Variants in TMPRSS15 observed in about 807,000 individuals in gnomAD.
TMPRSS15 encodes the protein enteropeptidase.
Under a neutral mutation model 125.3 loss-of-function variants are expected in TMPRSS15, and 128 were observed. The ratio of observed to expected loss-of-function variants is 1.02; its 90% CI spans 0.89 to 1.18. The LOEUF (loss-of-function observed/expected upper bound fraction) is 1.18. TMPRSS15 is among the 50% of genes most tolerant of loss of function. The probability of loss-of-function intolerance (pLI) is 0.00; values close to 1 mark genes in which losing one functional copy is unlikely to be tolerated. For synonymous variants in TMPRSS15, 446 were observed against 423.2 expected, an observed-to-expected ratio of 1.05 and a Z score of -0.66; for missense variants, 1,283 against 1,212.7, an observed-to-expected ratio of 1.06 and a Z score of -0.86.
chr21:18,312,913 C>A (rs2075116292), intron 18 of TMPRSS15, 32 bp downstream of exon 18: 2 of 1,611,648 alleles, frequency 1.2e-6, no homozygotes, highest in South Asian at 2.2e-5. Flanking sequence ...GTTTGCAAAT[C>A]TCTTAAAAAG....
chr21:18,364,793 T>C (rs2075710217), intron 7 of TMPRSS15, among the ~76,000 whole-genome samples: 1 of 152,150 alleles, frequency 6.6e-6, no homozygotes, highest in African/African-American at 2.4e-5. Flanking sequence ...AAATATTTTA[T>C]AGACAAATGC....
chr21:18,423,875 G>A (rs1049945045), intron 1 of TMPRSS15, among the ~76,000 whole-genome samples: 9 of 152,120 alleles, frequency 5.9e-5, no homozygotes, highest in Admixed American at 2.0e-4. Flanking sequence ...TAGCATAATG[G>A]CAGGGAGATT....
chr21:18,404,632 C>T (rs746132173), upstream of TMPRSS15, among the ~76,000 whole-genome samples: 1 of 151,816 alleles, frequency 6.6e-6, no homozygotes, highest in African/African-American at 2.4e-5. Flanking sequence ...TAAATAAAAC[C>T]GAATCTATTC....
intron 13 of TMPRSS15, among the ~76,000 whole-genome samples, chr21:18,338,869 C>G (rs2075419806): frequency 6.6e-6 from 1 of 152,114 alleles, no homozygotes; most frequent in East Asian, 1.9e-4. Flanking sequence ...AAGGAACTCA[C>G]TTCTTGTCAC....
chr21:18,450,215 T>A (rs1273304778), intron 1 of TMPRSS15, among the ~76,000 whole-genome samples: 5 of 152,166 alleles, frequency 3.3e-5, no homozygotes, highest in Non-Finnish European at 7.4e-5. Flanking sequence ...TTTTATTGCT[T>A]GTGGGAATTA....
chr21:18,341,554 A>G lies in TMPRSS15; in HGVS notation c.1429-6T>C, dbSNP rs2075446275. ...TTAAAAGCATTAAAAGCAACCTGCA[A>G]TTCAGAGAGGCATATGAAACGATTT... On this transcript the variant is annotated splice_polypyrimidine_tract_variant and splice_region_variant and intron_variant, in intron 12 of 24. Transcript: ENST00000284885. The G allele has an allele frequency of 6.2e-7, 1 of 1,613,972 alleles. No homozygotes were observed. Among genetic ancestry groups the G allele is most frequent in the Admixed American group, 1.7e-5 (1 of 60,026 alleles).
intron 3 of TMPRSS15, among the ~76,000 whole-genome samples, chr21:18,392,629 T>C (rs759830753): frequency 1.8e-4 from 28 of 152,334 alleles, no homozygotes; most frequent in Admixed American, 3.3e-4. Context: ...CATTTTCGGT[T>C]ATCTTTATGG....
At chr21:18,276,711 T>TAATC (rs1341066592) in intron 23 of TMPRSS15, among the ~76,000 whole-genome samples, 1 of 151,766 alleles carries the variant, frequency 6.6e-6, no homozygotes, top group African/African-American at 2.4e-5. Context: ...TTTTCCTAGC[T>TAATC]AATCAATTAG....
At chr21:18,463,257 A>AG (rs1978587651) in intron 1 of TMPRSS15, among the ~76,000 whole-genome samples, 1 of 140,678 alleles carries the variant, frequency 7.1e-6, no homozygotes, top group Non-Finnish European at 1.6e-5. Context: ...AAAAAAAAAA[A>AG]AAAAAAAAAA....
intron 1 of TMPRSS15, among the ~76,000 whole-genome samples, chr21:18,441,661 C>CATT (rs113071625): frequency 0.15 from 20,205 of 134,394 alleles, 1,666 homozygotes; most frequent in Middle Eastern, 0.21. Context: ...CTTTAGGACA[C>CATT]ATTATTATTA....
intron 18 of TMPRSS15, among the ~76,000 whole-genome samples, chr21:18,300,267 TTCTC>T (rs1440622575): frequency 6.6e-6 from 1 of 151,452 alleles, no homozygotes; most frequent in African/African-American, 2.4e-5. Context: ...CTCTCTTTCT[TTCTC>T]TCTTCTTTCT....
Position 18,372,098 on chromosome 21 carries a change from ATGTGTG to A in TMPRSS15, c.664+89_664+94del, listed in dbSNP as rs56932398. ...GTAGTTTCAGGTATTTGAGATTAGA[ATGTGTG>A]TGTGTGTGTGTGTGTGTGTGTGTGT... On this transcript the variant is annotated intron_variant, in intron 6 of 24. Transcript: ENST00000284885. 2,088 of 538,238 alleles carry A rather than the reference ATGTGTG, an allele frequency of 3.9e-3. 2 individuals are homozygous for A. Among genetic ancestry groups the A allele is most frequent in the African/African-American group, 8.2e-3 (396 of 48,158 alleles). 33.3% of individuals were successfully genotyped at this position (538,238 alleles called of 1,614,324 possible).
intron 1 of TMPRSS15, among the ~76,000 whole-genome samples, chr21:18,464,790 C>T (rs2122954901): frequency 7.9e-5 from 12 of 152,026 alleles, no homozygotes; most frequent in African/African-American, 2.9e-4. Context: ...CCAAAAAAAG[C>T]CCAGGACCAG....
intron 1 of TMPRSS15, among the ~76,000 whole-genome samples, chr21:18,441,810 C>T (rs2076242808): frequency 6.6e-6 from 1 of 151,502 alleles, no homozygotes; most frequent in African/African-American, 2.4e-5. Context: ...CCTGCCTCAG[C>T]CTCCTGAGTA....
chr21:18,362,907 A>C (rs2075690942), intron 7 of TMPRSS15, among the ~76,000 whole-genome samples: 1 of 152,170 alleles, frequency 6.6e-6, no homozygotes, highest in South Asian at 2.1e-4. Flanking sequence ...GAAGATCTTA[A>C]TCTGAAGAAG....
At chr21:18,453,776 A>G (rs1978385472) in intron 1 of TMPRSS15, among the ~76,000 whole-genome samples, 1 of 152,238 alleles carries the variant, frequency 6.6e-6, no homozygotes, top group Admixed American at 6.5e-5. Context: ...TGAATGAATA[A>G]AGAAAATCTG....
At chr21:18,378,736 T>A (rs2824786) in intron 5 of TMPRSS15, among the ~76,000 whole-genome samples, 13,890 of 152,020 alleles carry the variant, frequency 0.091, 741 homozygotes, top group South Asian at 0.13. Context: ...TTTAGCTGAT[T>A]GACAGAAGCA....
chr21:18,382,429 T>C (rs962065727), intron 4 of TMPRSS15, among the ~76,000 whole-genome samples: 5 of 152,130 alleles, frequency 3.3e-5, no homozygotes, highest in Admixed American at 6.6e-5. Flanking sequence ...AGCTGCAACA[T>C]GTTGCAGGAG....
chr21:18,280,591 A>C (rs1212052338), intron 22 of TMPRSS15, among the ~76,000 whole-genome samples: 9 of 149,266 alleles, frequency 6.0e-5, no homozygotes, highest in South Asian at 2.1e-4. Flanking sequence ...AAAAAAAAAA[A>C]AAAACAACAA....
Sources: allele counts gnomAD v4.1 joint callset (sites outside exome capture counted in the v4.1 genomes callset), GRCh38; gene constraint gnomAD v4.1.1; transcripts MANE v1.5; gene names NCBI Gene and HGNC (gene_info 2026-07-23, HGNC 2026-07-21).